EMID1: variants seen among roughly 807,000 people sequenced by gnomAD.
The protein encoded by EMID1 is EMI domain-containing protein 1.
A neutral mutation model predicts 60.6 loss-of-function variants in EMID1; 40 were observed. That is an observed-to-expected ratio of 0.66 (90% CI 0.51 to 0.86). The LOEUF (loss-of-function observed/expected upper bound fraction) is 0.86. Among genes scored for constraint, EMID1 ranks in the 40% least tolerant of loss-of-function variants. The probability of loss-of-function intolerance (pLI) is 0.00; values close to 1 mark genes in which losing one functional copy is unlikely to be tolerated. For missense variants in EMID1, 585 were observed against 597.1 expected (o/e 0.98, Z 0.21); for synonymous variants, 242 against 231.0 (o/e 1.05, Z -0.43).
At chr22:29,250,439 C>A (rs2041481976) in intron 13 of EMID1, among the ~76,000 whole-genome samples, 1 of 152,228 alleles carries the variant, frequency 6.6e-6, no homozygotes, top group Admixed American at 6.5e-5. Context: ...TGATGAGATG[C>A]AGGCTAAATA....
At chr22:29,221,321 G>A (rs1166874443) in intron 3 of EMID1, among the ~76,000 whole-genome samples, 1 of 152,064 alleles carries the variant, frequency 6.6e-6, no homozygotes. Flanking sequence ...CTGTTTCAGG[G>A]CCTTTGACCA....
intron 12 of EMID1, among the ~76,000 whole-genome samples, chr22:29,240,501 T>C (rs1568996912): frequency 6.6e-6 from 1 of 152,124 alleles, no homozygotes; most frequent in Non-Finnish European, 1.5e-5. Context: ...CACCGTAATC[T>C]AAGCCCAGGG....
intron 3 of EMID1, among the ~76,000 whole-genome samples, chr22:29,221,845 A>G (rs1054554152): frequency 6.6e-6 from 1 of 152,138 alleles, no homozygotes; most frequent in African/African-American, 2.4e-5. Context: ...TGAATCTTGA[A>G]TCCAAAGCCA....
At chr22:29,216,036 G>A (rs2040068074) in intron 3 of EMID1, among the ~76,000 whole-genome samples, 1 of 152,184 alleles carries the variant, frequency 6.6e-6, no homozygotes, top group Non-Finnish European at 1.5e-5. Flanking sequence ...TCCTGCAGAT[G>A]AGGAAACCGA....
chr22:29,223,080 G>T (rs1195712010), intron 3 of EMID1, among the ~76,000 whole-genome samples: 1 of 152,126 alleles, frequency 6.6e-6, no homozygotes, highest in Non-Finnish European at 1.5e-5. Context: ...GACAGAGCGA[G>T]ACTCCGTCTC....
Position 29,247,910 on chromosome 22 carries a change from C to T in EMID1, c.1119+4421C>T, listed in dbSNP as rs1386432213. 8.6e-5 allele frequency among the ~76,000 whole-genome samples: 13 copies of T among 151,022 alleles called. No individual in the cohort carries two copies. In the East Asian group the frequency reaches 2.0e-3, roughly 23 times the overall value. ...CCTCCCAAAGTGCTGGAATTACAGG[C>T]GTGAGCCACCGCGCTGGTGAAATTA... On this transcript the variant is annotated intron_variant, in intron 13 of 14. Transcript: ENST00000334018.
intron 1 of EMID1, among the ~76,000 whole-genome samples, chr22:29,209,512 G>T (rs1020524580): frequency 2.6e-5 from 4 of 152,170 alleles, no homozygotes; most frequent in Non-Finnish European, 5.9e-5. Flanking sequence ...GAAACCTCGG[G>T]TCCCAGCTCC....
intron 13 of EMID1, among the ~76,000 whole-genome samples, 190 bp downstream of exon 13, chr22:29,243,679 G>A (rs569808068): frequency 1.2e-4 from 18 of 152,182 alleles, no homozygotes; most frequent in Non-Finnish European, 2.1e-4. Context: ...GCTCCCAACC[G>A]GGCAGGGCCA....
chr22:29,231,636 G>A lies in EMID1; in HGVS notation c.630G>A (p.Lys210=), dbSNP rs2040753037. The change falls in exon 7 of 15, where the codon AAG becomes AAA. Residue 210 remains lysine, a synonymous_variant. Transcript: ENST00000334018. ...AWGLPGPTGP[K]GDAGSRGPMG... is the part of the protein sequence containing the mutation. Reference sequence around the variant, plus strand: ...GGCTTCCCGGGCCCACCGGCCCCAAGGGAGATGCCGGCAGTCGGGGCCCAA... The same window carrying A: ...GGCTTCCCGGGCCCACCGGCCCCAAAGGAGATGCCGGCAGTCGGGGCCCAA... 1 of 1,496,938 alleles carries A rather than the reference G, an allele frequency of 6.7e-7. No individual in the cohort carries two copies. The highest frequency in any genetic ancestry group is 8.9e-7 in the Non-Finnish European group (1 of 1,118,734). 92.7% of individuals were successfully genotyped at this position (1,496,938 alleles called of 1,614,324 possible).
intron 12 of EMID1, 126 bp downstream of exon 12, chr22:29,234,475 C>G: frequency 8.9e-7 from 1 of 1,126,160 alleles, no homozygotes; most frequent in Non-Finnish European, 1.3e-6. Context: ...TTTTCAGATG[C>G]TCCCTGTCTC....
intron 1 of EMID1, among the ~76,000 whole-genome samples, chr22:29,206,981 C>T (rs1213132416): frequency 6.6e-6 from 1 of 152,216 alleles, no homozygotes; most frequent in African/African-American, 2.4e-5. Context: ...GCAGCCCCAG[C>T]GAGGGTCCCC....
rs747987026 is a variant in EMID1, at chr22:29,232,286, G to A, written c.707G>A (p.Arg236Gln). 2.2e-5 allele frequency: 35 copies of A among 1,611,330 alleles called. No homozygotes were observed. Among genetic ancestry groups the A allele is most frequent in the South Asian group, 2.2e-5 (2 of 91,028 alleles). ...CAGGGCCCCCCAGGGAGCCCTGGCCGGGCTGGAGCTGTGGGCACCCCTGGA... is the reference window on the plus strand; with the variant it reads ...CAGGGCCCCCCAGGGAGCCCTGGCCAGGCTGGAGCTGTGGGCACCCCTGGA... ...GPQGPPGSPG[R>Q]AGAVGTPGER... Residue 236 changes from arginine (R) to glutamine (Q), a missense_variant, in exon 8 of 15, where the codon CGG (arginine) becomes CAG (glutamine). Coordinates refer to ENST00000334018, the MANE Select transcript of EMID1 (RefSeq NM_133455.4).
intron 5 of EMID1, among the ~76,000 whole-genome samples, chr22:29,227,885 G>A (rs192063676): frequency 2.6e-5 from 4 of 151,988 alleles, no homozygotes; most frequent in Non-Finnish European, 5.9e-5. Context: ...GCCGAGTGCC[G>A]TGGCTCACGC....
chr22:29,218,222 C>G (rs57950847), intron 3 of EMID1, among the ~76,000 whole-genome samples: 124 of 152,376 alleles, frequency 8.1e-4, no homozygotes, highest in African/African-American at 2.8e-3. Flanking sequence ...ACAGCCCTGC[C>G]TCCCGCCTCT....
At chr22:29,233,173 G>T in intron 8 of EMID1, 1 of 623,524 alleles carries the variant, frequency 1.6e-6, no homozygotes, top group Non-Finnish European at 2.9e-6. Context: ...ATTGCAGTGG[G>T]GTTAGAACCC....
intron 12 of EMID1, among the ~76,000 whole-genome samples, chr22:29,238,794 G>A (rs1340371515): frequency 1.5e-5 from 2 of 137,042 alleles, no homozygotes; most frequent in East Asian, 4.2e-4. Context: ...CTGACCTCTA[G>A]TGATCCTCTT....
chr22:29,211,726 C>T (rs1350927618), intron 1 of EMID1, among the ~76,000 whole-genome samples: 1 of 152,216 alleles, frequency 6.6e-6, no homozygotes. Flanking sequence ...ATTCTGTGTC[C>T]AGGGCCCCTT....
chr22:29,212,908 A>G (rs2039945560), intron 1 of EMID1, among the ~76,000 whole-genome samples: 2 of 152,190 alleles, frequency 1.3e-5, no homozygotes. Context: ...AACTGAGCGA[A>G]CACGTGGACG....
Position 29,255,306 on chromosome 22 carries a change from T to G in EMID1, c.1204+1019T>G, listed in dbSNP as rs1456912607. 3 of 1,516,528 alleles carry G rather than the reference T, an allele frequency of 2.0e-6. No homozygotes were observed. In the African/African-American group the frequency reaches 4.1e-5, roughly 21 times the overall value. The allele number at this position is 1,516,528 out of a possible 1,614,324, so 93.9% of individuals were successfully genotyped here. ...TACAGAGCTTCCTGCAGCAGCAGGC[T>G]CAGCTGGAGCTCCTGGCCAGACGGG... On this transcript the variant is annotated intron_variant, in intron 14 of 14. Coordinates refer to ENST00000334018, the MANE Select transcript of EMID1 (RefSeq NM_133455.4).
Sources: gnomAD v4.1 joint callset for allele counts (sites outside exome capture counted in the v4.1 genomes callset) on GRCh38, gnomAD v4.1.1 for gene constraint, MANE v1.5 for transcripts, NCBI Gene and HGNC (gene_info 2026-07-23, HGNC 2026-07-21) for gene names.